The following TRIM4 variants were observed in gnomAD, a reference collection of about 807,000 sequenced individuals.
The protein encoded by TRIM4 is E3 ubiquitin-protein ligase TRIM4.
Under a neutral mutation model 33.7 loss-of-function variants are expected in TRIM4, and 29 were observed. That is an observed-to-expected ratio of 0.86 (90% CI 0.64 to 1.17). The LOEUF (loss-of-function observed/expected upper bound fraction) is 1.17, where lower values mean the gene tolerates loss of function less well. Ranked by LOEUF, TRIM4 falls within the 50% of genes most tolerant of loss-of-function variation. The probability of loss-of-function intolerance (pLI) is 0.00; values close to 1 mark genes in which losing one functional copy is unlikely to be tolerated. For missense variants in TRIM4, 554 were observed against 593.7 expected, an observed-to-expected ratio of 0.93 and a Z score of 0.69; for synonymous variants, 224 against 233.0, an observed-to-expected ratio of 0.96 and a Z score of 0.35.
Position 99,892,207 on chromosome 7 carries a change from G to A in TRIM4, c.1381C>T (p.Pro461Ser). The A allele has an allele frequency of 6.2e-7, 1 of 1,613,790 alleles. No individual in the cohort carries two copies. Among genetic ancestry groups the A allele is most frequent in the Non-Finnish European group, 8.5e-7 (1 of 1,179,924 alleles). ...SRLRPFFWLS[P>S]LASLVIPPVT... Reference sequence around the variant, plus strand: ...GGTGGAATGACTAAAGATGCTAATGGACTCAACCAAAAAAATGGCCGGAGG... The same window carrying A: ...GGTGGAATGACTAAAGATGCTAATGAACTCAACCAAAAAAATGGCCGGAGG... The change falls in exon 6 of 6, where the codon CCA becomes TCA. Residue 461 changes from proline (P) to serine (S), a missense_variant. By Grantham distance (74) the Pro-to-Ser change is moderately conservative. Around this residue, in one of 3 missense-constraint regions of TRIM4, gnomAD observed 290 missense variants for 335.8 expected, o/e 0.86. Transcript: ENST00000349062.
At chr7:99,902,207 C>G (rs772608109) in intron 5 of TRIM4, 32 of 758,452 alleles carry the variant, frequency 4.2e-5, no homozygotes, top group Admixed American at 1.9e-4. Flanking sequence ...TTTATTTACT[C>G]CATTTTGGCT....
At chr7:99,914,502 C>T (rs1194075326) in intron 1 of TRIM4, among the ~76,000 whole-genome samples, 2 of 152,198 alleles carry the variant, frequency 1.3e-5, no homozygotes, top group African/African-American at 4.8e-5. Flanking sequence ...CACTCTCCTG[C>T]TCAAGATTCT....
At chr7:99,908,915 C>T in intron 2 of TRIM4, 103 bp from the exon 3 acceptor site, 1 of 1,130,402 alleles carries the variant, frequency 8.8e-7, no homozygotes, top group South Asian at 1.6e-5. Context: ...TAATCAAACC[C>T]TCTTGAAAAG....
intron 1 of TRIM4, 69 bp from the exon 2 acceptor site, chr7:99,909,729 GTTTTTTTT>G (rs58242927): frequency 1.6e-4 from 117 of 725,154 alleles, no homozygotes; most frequent in Admixed American, 4.8e-4. Context: ...TTTTCTTTTT[GTTTTTTTT>G]TTTTTTTTTT....
chr7:99,919,113 A>G lies in TRIM4; in HGVS notation c.289T>C (p.Phe97Leu), dbSNP rs1819630690. 1 of 1,525,184 alleles carries G rather than the reference A, an allele frequency of 6.6e-7. No individual in the cohort carries two copies. Among genetic ancestry groups the G allele is most frequent in the Non-Finnish European group, 8.8e-7 (1 of 1,136,180 alleles). The allele number at this position is 1,525,184 out of a possible 1,614,324, so 94.5% of individuals were successfully genotyped here. A position where few individuals can be genotyped will look rare whatever the true frequency, so the allele number is the denominator to read the frequency against. ...ACTGGCCGCTGGTCGTCCTCGCAGAAGAGCCGCAGCGGCTCCCAGTGGCGG... is the reference window on the plus strand; with the variant it reads ...ACTGGCCGCTGGTCGTCCTCGCAGAGGAGCCGCAGCGGCTCCCAGTGGCGG... ...CGRHWEPLRL[F>L]CEDDQRPVCL... The change falls in exon 1 of 6, where the codon TTC becomes CTC. Residue 97 changes from phenylalanine (F) to leucine (L), a missense_variant. Transcript: ENST00000349062.
chr7:99,915,769 C>T (rs1441321408), intron 1 of TRIM4, among the ~76,000 whole-genome samples: 1 of 152,208 alleles, frequency 6.6e-6, no homozygotes. Context: ...AACCTTGTGA[C>T]ATTCAGCCCA....
chr7:99,903,274 T>C lies in TRIM4; in HGVS notation c.785A>G (p.Lys262Arg). 1 of 1,613,448 alleles carries C rather than the reference T, an allele frequency of 6.2e-7. No individual in the cohort carries two copies. The highest frequency in any genetic ancestry group is 8.5e-7 in the Non-Finnish European group (1 of 1,179,524). Residue 262 changes from lysine to arginine, a missense_variant, in exon 5 of 6, where the codon AAG (lysine) becomes AGG (arginine). Physicochemically the swap from Lys to Arg is conservative, Grantham distance 26 (BLOSUM62 2). This residue lies in a region of TRIM4 where 290 missense variants were observed against 335.8 expected (regional missense o/e 0.86). Coordinates refer to ENST00000349062, the MANE Select transcript of TRIM4 (RefSeq NM_033091.3). Reference protein sequence around the residue: ...QDVNYSLEAVKVKTVCQIPLM... With the variant: ...QDVNYSLEAVRVKTVCQIPLM... Reference sequence around the variant, plus strand: ...TGGTATCTGGCACACTGTCTTCACCTTTACAGCTTCAAGAGAATAGTTCAC... The same window carrying C: ...TGGTATCTGGCACACTGTCTTCACCCTTACAGCTTCAAGAGAATAGTTCAC...
In TRIM4 at chr7:99,904,245, G is replaced by A. The variant is rs146700824; in HGVS notation, c.721-647C>T. On this transcript the variant is annotated intron_variant, in intron 3 of 5. Coordinates refer to ENST00000349062, the MANE Select transcript of TRIM4 (RefSeq NM_033091.3). ...AACATATCAGGTAACCAATGGCAAC[G>A]TGTATTTAAAAAATACAGCTCCTCC... Among the ~76,000 whole-genome samples, 449 of 152,196 alleles carry A rather than the reference G, an allele frequency of 3.0e-3. 3 individuals are homozygous for A. Among genetic ancestry groups the A allele is most frequent in the African/African-American group, 0.01 (418 of 41,512 alleles).
At chr7:99,906,600 C>T (rs995949189) in intron 3 of TRIM4, among the ~76,000 whole-genome samples, 1 of 151,962 alleles carries the variant, frequency 6.6e-6, no homozygotes, top group Non-Finnish European at 1.5e-5. Context: ...AATTTACCAG[C>T]AAACAAAGGG....
At chr7:99,892,862 T>C (rs927848696) in intron 5 of TRIM4, 116 bp from the exon 6 acceptor site, 10 of 903,462 alleles carry the variant, frequency 1.1e-5, no homozygotes, top group Non-Finnish European at 1.6e-5. Flanking sequence ...CACTCATGAC[T>C]CCACTGCTGC....
chr7:99,901,864 G>A, intron 5 of TRIM4: 1 of 506,934 alleles, frequency 2.0e-6, no homozygotes, highest in East Asian at 3.2e-5. Flanking sequence ...AGATGGCGAG[G>A]GTTCTCTCTG....
intron 3 of TRIM4, among the ~76,000 whole-genome samples, chr7:99,904,924 C>T (rs1157503134): frequency 5.9e-5 from 9 of 151,732 alleles, no homozygotes; most frequent in Non-Finnish European, 1.0e-4. Flanking sequence ...CCCAGCTACT[C>T]GGGAGGCTGA....
At chr7:99,900,511 T>C (rs1247444312) in intron 5 of TRIM4, among the ~76,000 whole-genome samples, 1 of 152,150 alleles carries the variant, frequency 6.6e-6, no homozygotes, top group Non-Finnish European at 1.5e-5. Flanking sequence ...GACAATAATA[T>C]ATATTTATTC....
chr7:99,918,659 C>T (rs1584276295), intron 1 of TRIM4, among the ~76,000 whole-genome samples: 1 of 152,160 alleles, frequency 6.6e-6, no homozygotes, highest in East Asian at 1.9e-4. Flanking sequence ...CAATTAACGT[C>T]ACCTCGTTTC....
intron 3 of TRIM4, 137 bp from the exon 4 acceptor site, chr7:99,903,735 T>C (rs943894679): frequency 2.4e-5 from 22 of 935,652 alleles, no homozygotes; most frequent in African/African-American, 2.1e-4. Context: ...AGCCAACAGA[T>C]TGACAGAATC....
At chr7:99,902,087 C>T (rs377580456) in intron 5 of TRIM4, 46 of 764,890 alleles carry the variant, frequency 6.0e-5, no homozygotes, top group African/African-American at 4.9e-4. Flanking sequence ...TCAGGAATCA[C>T]CGTCCTTCAC....
intron 3 of TRIM4, among the ~76,000 whole-genome samples, chr7:99,905,397 T>G (rs993431654): frequency 6.6e-6 from 1 of 152,206 alleles, no homozygotes; most frequent in African/African-American, 2.4e-5. Flanking sequence ...TATATAAATG[T>G]GCACCCAAAA....
At chr7:99,905,381 G>A (rs1563086071) in intron 3 of TRIM4, among the ~76,000 whole-genome samples, 1 of 152,200 alleles carries the variant, frequency 6.6e-6, no homozygotes, top group Non-Finnish European at 1.5e-5. Flanking sequence ...ACAACTGATA[G>A]AAATGTATAT....
chr7:99,918,265 G>T (rs1819602160), intron 1 of TRIM4, among the ~76,000 whole-genome samples: 1 of 152,184 alleles, frequency 6.6e-6, no homozygotes, highest in Admixed American at 6.5e-5. Context: ...TATGAAAAAG[G>T]AGTATAAAAT....
Sources: gnomAD v4.1 joint callset for allele counts (sites outside exome capture counted in the v4.1 genomes callset) on GRCh38, gnomAD v4.1.1 for gene constraint, gnomAD v4.1.1 regional missense constraint, MANE v1.5 for transcripts, NCBI Gene and HGNC (gene_info 2026-07-23, HGNC 2026-07-21) for gene names.